AP3B1: variants seen among roughly 807,000 people sequenced by gnomAD.
The protein encoded by AP3B1 is AP-3 complex subunit beta-1.
AP3B1 carries 61 observed loss-of-function variants against 132.5 expected under a neutral mutation model. That is an observed-to-expected ratio of 0.46 (90% CI 0.37 to 0.57). The LOEUF (loss-of-function observed/expected upper bound fraction) is 0.57. Ranked by LOEUF, AP3B1 falls within the 20% of genes least tolerant of loss-of-function variation. The pLI is 0.00. For missense variants in AP3B1, 1,120 were observed against 1,289.4 expected (o/e 0.87, Z 2.01); for synonymous variants, 388 against 438.3 (o/e 0.89, Z 1.43).
At chr5:78,028,463 T>C (rs1483724186) in intron 24 of AP3B1, among the ~76,000 whole-genome samples, 1 of 149,622 alleles carries the variant, frequency 6.7e-6, no homozygotes, top group Non-Finnish European at 1.5e-5. Flanking sequence ...AAAAAAAAAA[T>C]TATAATTTTG....
At chr5:78,061,483 G>C (rs551807472) in intron 22 of AP3B1, among the ~76,000 whole-genome samples, 2 of 152,322 alleles carry the variant, frequency 1.3e-5, no homozygotes, top group East Asian at 1.9e-4. Flanking sequence ...GAAGGTACAA[G>C]ACTAAGTTGT....
chr5:78,172,923 C>T (rs987665210), intron 11 of AP3B1, among the ~76,000 whole-genome samples: 5 of 152,168 alleles, frequency 3.3e-5, no homozygotes, highest in African/African-American at 9.7e-5. Flanking sequence ...CCTCTACACA[C>T]TGCTTTAAAT....
chr5:78,171,622 C>T (rs1374092144), intron 11 of AP3B1, among the ~76,000 whole-genome samples: 1 of 152,142 alleles, frequency 6.6e-6, no homozygotes, highest in African/African-American at 2.4e-5. Context: ...TGTTTATCAA[C>T]TTAAGGAGAT....
At chr5:78,222,493 T>C (rs1746221599) in intron 6 of AP3B1, 1 of 152,212 alleles carries the variant, frequency 6.6e-6, no homozygotes, top group Admixed American at 6.5e-5. Context: ...TTCCTGCTAG[T>C]GGTTAGAACA....
intron 1 of AP3B1, among the ~76,000 whole-genome samples, chr5:78,274,793 G>A (rs1303049621): frequency 6.6e-6 from 1 of 152,162 alleles, no homozygotes; most frequent in Admixed American, 6.5e-5. Flanking sequence ...GGGCATGATA[G>A]TGTGCACCTA....
intron 24 of AP3B1, among the ~76,000 whole-genome samples, chr5:78,028,201 T>A (rs1324755673): frequency 1.4e-5 from 2 of 140,352 alleles, no homozygotes; most frequent in African/African-American, 5.6e-5. Context: ...CTCACGCCTG[T>A]AATGGGATTA....
In AP3B1 at chr5:78,157,621, A is replaced by G. The variant is rs193023790; in HGVS notation, c.1364-1254T>C. On this transcript the variant is annotated intron_variant, in intron 13 of 26. Coordinates refer to ENST00000255194, the MANE Select transcript of AP3B1 (RefSeq NM_003664.5). ...TAATGCTAATGATGCCAAAGAAATAAATCAACATTGCCTTTACTTATTATT... is the reference window on the plus strand; with the variant it reads ...TAATGCTAATGATGCCAAAGAAATAGATCAACATTGCCTTTACTTATTATT... Among the ~76,000 whole-genome samples, 1,097 of 152,306 alleles carry G rather than the reference A, an allele frequency of 7.2e-3. 7 individuals carry two copies. Among genetic ancestry groups the G allele is most frequent in the Non-Finnish European group, 0.011 (749 of 68,016 alleles).
intron 1 of AP3B1, among the ~76,000 whole-genome samples, chr5:78,283,216 CT>C (rs1251298883): frequency 4.6e-5 from 7 of 152,122 alleles, no homozygotes; most frequent in Admixed American, 3.9e-4. Flanking sequence ...GTAAAATAAT[CT>C]GTCCAAGTAC....
intron 1 of AP3B1, among the ~76,000 whole-genome samples, chr5:78,275,587 T>A (rs1427822721): frequency 1.3e-5 from 2 of 152,154 alleles, no homozygotes; most frequent in Non-Finnish European, 2.9e-5. Context: ...GCAATTTCCC[T>A]GCCTCAGCCT....
At chr5:78,176,651 G>A (rs1326483284) in intron 9 of AP3B1, among the ~76,000 whole-genome samples, 1 of 152,174 alleles carries the variant, frequency 6.6e-6, no homozygotes, top group Non-Finnish European at 1.5e-5. Flanking sequence ...ACAAATGTCT[G>A]AATTAAACCT....
intron 1 of AP3B1, among the ~76,000 whole-genome samples, chr5:78,289,570 T>C (rs531547783): frequency 6.6e-6 from 1 of 152,204 alleles, no homozygotes; most frequent in African/African-American, 2.4e-5. Flanking sequence ...TAAAGTCACC[T>C]TTCAGTTGTT....
chr5:78,229,763 A>T (rs973495886), intron 3 of AP3B1, among the ~76,000 whole-genome samples: 9 of 151,498 alleles, frequency 5.9e-5, no homozygotes, highest in Non-Finnish European at 1.2e-4. Flanking sequence ...ATTTAAAATT[A>T]AAAAAAAAGT....
chr5:78,206,571 T>C (rs1388884931), intron 7 of AP3B1, among the ~76,000 whole-genome samples: 2 of 152,130 alleles, frequency 1.3e-5, no homozygotes, highest in South Asian at 2.1e-4. Flanking sequence ...TAACGGACTA[T>C]ATGTAAGTGT....
rs768204199 is a variant in AP3B1, at chr5:78,020,763, T to C, written c.2921A>G (p.Asn974Ser). 6.2e-7 allele frequency: 1 copy of C among 1,612,380 alleles called. No individual in the cohort carries two copies. The highest frequency in any genetic ancestry group is 8.5e-7 in the Non-Finnish European group (1 of 1,179,160). Reference sequence around the variant, plus strand: ...CAGTTCTCCAACAGGTGGCTGAATATTAACATTGAAGCAATCATCCTTGGT... The same window carrying C: ...CAGTTCTCCAACAGGTGGCTGAATACTAACATTGAAGCAATCATCCTTGGT... ...LCTKDDCFNV[N>S]IQPPVGELLL... The change falls in exon 25 of 27, where the codon AAT becomes AGT. Residue 974 changes from asparagine (N) to serine (S), a missense_variant. Asn to Ser is a conservative substitution (Grantham distance 46). Transcript: ENST00000255194.
intron 17 of AP3B1, among the ~76,000 whole-genome samples, chr5:78,120,197 A>G (rs1752102986): frequency 1.3e-5 from 2 of 152,228 alleles, no homozygotes; most frequent in African/African-American, 4.8e-5. Flanking sequence ...GGAAGCACTA[A>G]ATATGGAAAA....
intron 17 of AP3B1, among the ~76,000 whole-genome samples, chr5:78,125,363 C>A (rs1320243572): frequency 6.6e-6 from 1 of 152,058 alleles, no homozygotes. Flanking sequence ...ATCAGATTAT[C>A]TAAACCTAGG....
chr5:78,075,766 G>C (rs1042211706), intron 22 of AP3B1, among the ~76,000 whole-genome samples: 3 of 152,154 alleles, frequency 2.0e-5, no homozygotes, highest in African/African-American at 7.2e-5. Context: ...ATGAGTACAG[G>C]GCTTCTTGGT....
chr5:78,121,929 T>C (rs925699073), intron 17 of AP3B1: 3 of 152,310 alleles, frequency 2.0e-5, no homozygotes, highest in Admixed American at 6.5e-5. Context: ...TTGATGAACA[T>C]TGATGCAAAA....
chr5:78,006,698 G>T (rs1324499710), intron 26 of AP3B1, among the ~76,000 whole-genome samples: 1 of 152,180 alleles, frequency 6.6e-6, no homozygotes, highest in Non-Finnish European at 1.5e-5. Flanking sequence ...AAGATGTATT[G>T]CCTGTGTATG....
Sources: gnomAD v4.1 joint callset for allele counts (sites outside exome capture counted in the v4.1 genomes callset) on GRCh38, gnomAD v4.1.1 for gene constraint, MANE v1.5 for transcripts, NCBI Gene and HGNC (gene_info 2026-07-23, HGNC 2026-07-21) for gene names.